Variants in MTUS2 observed in about 807,000 individuals in gnomAD.
The protein encoded by MTUS2 is microtubule associated scaffold protein 2.
Under a neutral mutation model 114.1 loss-of-function variants are expected in MTUS2, and 40 were observed. The observed-to-expected ratio is 0.35, with a 90% CI of 0.27 to 0.46. The LOEUF (loss-of-function observed/expected upper bound fraction) is 0.46, where lower values mean the gene tolerates loss of function less well. Ranked by LOEUF, MTUS2 falls within the 20% of genes least tolerant of loss-of-function variation. The pLI, the probability that MTUS2 is intolerant of heterozygous loss-of-function variation, is 1.00. For missense variants in MTUS2, 1,679 were observed against 1,705.4 expected, an observed-to-expected ratio of 0.98 and a Z score of 0.27; for synonymous variants, 688 against 672.0, an observed-to-expected ratio of 1.02 and a Z score of -0.37.
chr13:28,986,186 A>G (rs1484875718), intron 2 of MTUS2, among the ~76,000 whole-genome samples: 7 of 151,930 alleles, frequency 4.6e-5, no homozygotes, highest in Non-Finnish European at 1.5e-5. Flanking sequence ...CAGGAAGGAG[A>G]ATGGGCCTTG....
In MTUS2 at chr13:29,321,189, A is replaced by AAG. The variant is rs576951643; in HGVS notation, c.2807-3423_2807-3422dup. Among the ~76,000 whole-genome samples, 702 of 152,288 alleles carry AAG rather than the reference A, an allele frequency of 4.6e-3. 4 individuals carry two copies. The highest frequency in any genetic ancestry group is 0.016 in the African/African-American group (659 of 41,564). On this transcript the variant is annotated intron_variant, in intron 6 of 15. Transcript: ENST00000612955. ...GGTGATGTGAGCCTGTTGAATGGAT[A>AAG]AGCTCACTCAGAAGACTGGACAGGA...
chr13:29,031,291 A>G (rs1886810974), intron 3 of MTUS2, among the ~76,000 whole-genome samples: 20 of 40,344 alleles, frequency 5.0e-4, no homozygotes, highest in Admixed American at 2.1e-3. Flanking sequence ...ACAGGTCTAT[A>G]TTCATCTATA....
intron 6 of MTUS2, among the ~76,000 whole-genome samples, chr13:29,310,685 A>G (rs1899714667): frequency 6.6e-6 from 1 of 152,244 alleles, no homozygotes; most frequent in Admixed American, 6.5e-5. Context: ...AATTCAAATC[A>G]CAGCGAGGTG....
At chr13:28,820,248 C>T (rs1041667060), upstream of MTUS2, 1 of 146,144 alleles carries the variant, frequency 6.8e-6, no homozygotes, top group Admixed American at 6.8e-5. Flanking sequence ...CCCCGGCCCT[C>T]GAGCGGGGGC....
At chr13:29,049,709 A>G (rs147738666) in intron 4 of MTUS2, among the ~76,000 whole-genome samples, 26 of 152,304 alleles carry the variant, frequency 1.7e-4, no homozygotes, top group African/African-American at 6.0e-4. Context: ...TGGGAATCCC[A>G]CGTTAGAGCA....
chr13:29,369,744 G>A (rs945259266), intron 8 of MTUS2, among the ~76,000 whole-genome samples: 1 of 152,132 alleles, frequency 6.6e-6, no homozygotes, highest in Non-Finnish European at 1.5e-5. Context: ...CCAAAATAGT[G>A]AAACTCTATT....
At chr13:29,108,751 T>C (rs1024471807) in intron 5 of MTUS2, among the ~76,000 whole-genome samples, 7 of 152,162 alleles carry the variant, frequency 4.6e-5, no homozygotes, top group African/African-American at 1.7e-4. Context: ...GAAGTATCCA[T>C]GCATCCTGAG....
chr13:29,464,014 AAAG>A (rs1407200932), intron 9 of MTUS2, among the ~76,000 whole-genome samples: 6 of 147,070 alleles, frequency 4.1e-5, no homozygotes, highest in South Asian at 2.1e-4. Flanking sequence ...AAAGAAAAGA[AAAG>A]AAACGATAGA....
At chr13:29,218,928 T>TA (rs1436188776) in intron 5 of MTUS2, among the ~76,000 whole-genome samples, 2 of 151,806 alleles carry the variant, frequency 1.3e-5, no homozygotes, top group African/African-American at 4.8e-5. Context: ...GGCGTTAACT[T>TA]AAAGTTTCCA....
intron 5 of MTUS2, among the ~76,000 whole-genome samples, chr13:29,272,719 G>C (rs1420302167): frequency 6.6e-6 from 1 of 152,168 alleles, no homozygotes; most frequent in East Asian, 1.9e-4. Context: ...TTTTACAAGA[G>C]AGTTTTCTTC....
intron 9 of MTUS2, among the ~76,000 whole-genome samples, chr13:29,464,108 A>G (rs936377726): frequency 6.6e-6 from 1 of 152,170 alleles, no homozygotes; most frequent in Non-Finnish European, 1.5e-5. Context: ...ACAGGATCTG[A>G]AGGTTGTGGT....
chr13:28,820,871 T>A (rs1454716178), intron 1 of MTUS2, among the ~76,000 whole-genome samples: 4 of 152,212 alleles, frequency 2.6e-5, no homozygotes, highest in African/African-American at 9.7e-5. Context: ...GTTGGTAGGT[T>A]AGTTAAGGCG....
intron 9 of MTUS2, among the ~76,000 whole-genome samples, chr13:29,479,638 G>A (rs559829855): frequency 8.0e-4 from 122 of 152,268 alleles, no homozygotes; most frequent in East Asian, 5.8e-4. Context: ...AGCCTTAGGC[G>A]CCAGGCCCTA....
chr13:29,186,221 AT>A (rs1244506689), intron 5 of MTUS2, among the ~76,000 whole-genome samples: 2 of 152,204 alleles, frequency 1.3e-5, no homozygotes, highest in Non-Finnish European at 2.9e-5. Flanking sequence ...TTCCAAAAGA[AT>A]TTTTTTAAAT....
chr13:29,425,750 A>G (rs927700920), intron 8 of MTUS2, among the ~76,000 whole-genome samples: 4 of 152,216 alleles, frequency 2.6e-5, no homozygotes, highest in Admixed American at 2.6e-4. Flanking sequence ...CACTGAGATC[A>G]TAGTACATGT....
intron 6 of MTUS2, among the ~76,000 whole-genome samples, chr13:29,298,901 T>G (rs1027658436): frequency 6.6e-6 from 1 of 152,216 alleles, no homozygotes; most frequent in African/African-American, 2.4e-5. Flanking sequence ...GCTGCACTGG[T>G]ATCTTCAGTG....
chr13:29,368,093 C>T (rs1566157914), intron 8 of MTUS2, among the ~76,000 whole-genome samples: 2 of 151,954 alleles, frequency 1.3e-5, no homozygotes, highest in African/African-American at 4.8e-5. Context: ...TGCCTGCCAC[C>T]GCACCCGGCT....
At chr13:29,402,080 T>C (rs897452396) in intron 8 of MTUS2, among the ~76,000 whole-genome samples, 1 of 152,156 alleles carries the variant, frequency 6.6e-6, no homozygotes, top group Non-Finnish European at 1.5e-5. Flanking sequence ...ATTCATACTT[T>C]TTTCATATTA....
intron 5 of MTUS2, among the ~76,000 whole-genome samples, chr13:29,208,076 A>AT (rs780948654): frequency 5.3e-5 from 8 of 151,980 alleles, no homozygotes; most frequent in Non-Finnish European, 1.0e-4. Flanking sequence ...CTTCTTGGCA[A>AT]TTTTTTTATT....
Sources: allele counts gnomAD v4.1 joint callset (sites outside exome capture counted in the v4.1 genomes callset), GRCh38; gene constraint gnomAD v4.1.1; transcripts MANE v1.5; gene names NCBI Gene and HGNC (gene_info 2026-07-23, HGNC 2026-07-21).